THOC1: variants seen among roughly 807,000 people sequenced by gnomAD.
THOC1 encodes THO complex subunit 1, also known as THO complex 1.
Under a neutral mutation model 97.3 loss-of-function variants are expected in THOC1, and 29 were observed. The observed-to-expected ratio is 0.30, with a 90% CI of 0.22 to 0.41. The LOEUF (loss-of-function observed/expected upper bound fraction) is 0.41, where lower values mean the gene tolerates loss of function less well. Among genes scored for constraint, THOC1 ranks in the 10% least tolerant of loss-of-function variants. THOC1 has a pLI of 1.00. For missense variants in THOC1, 529 were observed against 761.9 expected (o/e 0.69, Z 3.60); for synonymous variants, 255 against 257.0 (o/e 0.99, Z 0.07).
chr18:220,894 T>A (rs1323908392), intron 17 of THOC1, among the ~76,000 whole-genome samples: 1 of 152,184 alleles, frequency 6.6e-6, no homozygotes, highest in Admixed American at 6.5e-5. Flanking sequence ...CTTCTATGAG[T>A]TTACTTTTCT....
intron 12 of THOC1, chr18:226,033 G>A (rs1314300947): frequency 6.6e-6 from 1 of 152,172 alleles, no homozygotes; most frequent in East Asian, 1.9e-4. Context: ...TCAAACCCAC[G>A]TCTCACTTCA....
intron 19 of THOC1, 162 bp downstream of exon 19, chr18:216,324 G>C: frequency 1.3e-6 from 1 of 757,264 alleles, no homozygotes; most frequent in Non-Finnish European, 2.2e-6. Context: ...TGTATTTCCT[G>C]TAAATGTATA....
At chr18:223,381 C>A in intron 17 of THOC1, 59 bp downstream of exon 17, 1 of 1,339,336 alleles carries the variant, frequency 7.5e-7, no homozygotes, top group Non-Finnish European at 1.0e-6. Context: ...TGAGAAAAGG[C>A]TCCATTCTAC....
chr18:236,244 T>C (rs28407306), intron 11 of THOC1, among the ~76,000 whole-genome samples: 1 of 152,180 alleles, frequency 6.6e-6, no homozygotes, highest in African/African-American at 2.4e-5. Flanking sequence ...TGTGTTCTTT[T>C]ATTTTCCATG....
At chr18:229,405 G>A (rs955327122) in intron 11 of THOC1, among the ~76,000 whole-genome samples, 1 of 152,174 alleles carries the variant, frequency 6.6e-6, no homozygotes, top group African/African-American at 2.4e-5. Context: ...TTGTCGGCTG[G>A]GTGTGGTGGT....
intron 10 of THOC1, among the ~76,000 whole-genome samples, chr18:246,916 CAAAAAAAAAA>C (rs36101469): frequency 2.0e-5 from 2 of 98,230 alleles, no homozygotes; most frequent in Non-Finnish European, 2.1e-5. Flanking sequence ...GGCTCCGTCT[CAAAAAAAAAA>C]AAAAAAAAAA....
intron 7 of THOC1, among the ~76,000 whole-genome samples, chr18:258,009 G>C (rs1275359542): frequency 2.0e-5 from 3 of 152,004 alleles, no homozygotes; most frequent in Admixed American, 6.6e-5. Flanking sequence ...ATACATTCAA[G>C]ATGTCCACAA....
intron 7 of THOC1, among the ~76,000 whole-genome samples, chr18:255,225 A>G (rs994460888): frequency 2.0e-5 from 3 of 152,302 alleles, no homozygotes; most frequent in Non-Finnish European, 2.9e-5. Context: ...CACATTTCTC[A>G]CTTTAAATAA....
intron 1 of THOC1, among the ~76,000 whole-genome samples, chr18:266,681 C>G (rs997393586): frequency 2.0e-5 from 3 of 151,950 alleles, no homozygotes; most frequent in Non-Finnish European, 4.4e-5. Context: ...GGGATTACAG[C>G]GCCCACCACC....
chr18:220,113 C>A (rs554795161), intron 17 of THOC1, among the ~76,000 whole-genome samples: 1 of 152,120 alleles, frequency 6.6e-6, no homozygotes, highest in Non-Finnish European at 1.5e-5. Context: ...TATGAACATG[C>A]CCCAAGTTAT....
chr18:265,613 T>C (rs1044625572), intron 1 of THOC1, 83 bp from the exon 2 acceptor site: 1 of 1,100,668 alleles, frequency 9.1e-7, no homozygotes, highest in Non-Finnish European at 1.3e-6. Flanking sequence ...TGATAGTGTA[T>C]CTTACTAACT....
chr18:216,609 A>G lies in THOC1; in HGVS notation c.1479T>C (p.Gly493=), dbSNP rs1183437136. 5.0e-6 allele frequency: 8 copies of G among 1,613,852 alleles called. No individual in the cohort carries two copies. Among genetic ancestry groups the G allele is most frequent in the African/African-American group, 1.3e-5 (1 of 75,058 alleles). The change falls in exon 19 of 21, where the codon GGT becomes GGC. Residue 493 remains glycine, a synonymous_variant. Coordinates refer to ENST00000261600, the MANE Select transcript of THOC1 (RefSeq NM_005131.3). ...EYKAVNNSNY[G]WRALRLLARR... ...GTGCTAATAGTCTCAGGGCTCTCCA[A>G]CCATAATTTGAATTGTTCACAGCCC...
rs1490036006 is a variant in THOC1 at position 235,085 on chromosome 18, A to T, written c.919-8184T>A. Among the ~76,000 whole-genome samples the T allele has an allele frequency of 2.8e-3, 393 of 139,148 alleles. 8 individuals carry two copies. The East Asian group carries it at 0.048, about 17-fold the overall frequency. 91.3% of individuals were successfully genotyped at this position (139,148 alleles called of 152,430 possible). ...TGGTTGTTCATTTATTTGGTTTTCT[A>T]TTTTTTTTTTTTTTTGAGAGTCTAT... On this transcript the variant is annotated intron_variant, in intron 11 of 20. Transcript: ENST00000261600.
In THOC1 at chr18:226,781, T is replaced by C. The variant is rs760445434; in HGVS notation, c.1019+20A>G. Reference sequence around the variant, plus strand: ...TCTTGGCTACTGTTTACAAATTGTTTACTACCCATATTATCTTACCTTTTG... The same window carrying C: ...TCTTGGCTACTGTTTACAAATTGTTCACTACCCATATTATCTTACCTTTTG... On this transcript the variant is annotated intron_variant, in intron 12 of 20. Transcript: ENST00000261600. 1.3e-6 allele frequency: 2 copies of C among 1,564,938 alleles called. No individual in the cohort carries two copies. Among genetic ancestry groups the C allele is most frequent in the Non-Finnish European group, 1.7e-6 (2 of 1,145,192 alleles).
At chr18:251,097 C>T (rs1431057407) in intron 9 of THOC1, among the ~76,000 whole-genome samples, 1 of 152,160 alleles carries the variant, frequency 6.6e-6, no homozygotes, top group Non-Finnish European at 1.5e-5. Context: ...ACAATTAGTG[C>T]CTTAATAGAC....
intron 11 of THOC1, chr18:245,651 GTC>G (rs765602252): frequency 3.3e-5 from 5 of 152,534 alleles, no homozygotes; most frequent in Non-Finnish European, 7.3e-5. Context: ...TGCACATTTA[GTC>G]TCTGTTACTT....
intron 18 of THOC1, among the ~76,000 whole-genome samples, chr18:217,416 T>G (rs754416316): frequency 1.3e-5 from 2 of 152,240 alleles, no homozygotes; most frequent in Non-Finnish European, 2.9e-5. Flanking sequence ...TACACATCAT[T>G]TTTCTTATTC....
chr18:254,762 C>A lies in THOC1; in HGVS notation c.521-407G>T, dbSNP rs191860306. 4.1e-3 allele frequency among the ~76,000 whole-genome samples: 624 copies of A among 151,868 alleles called. 2 individuals are homozygous for A. The highest frequency in any genetic ancestry group is 6.8e-3 in the Non-Finnish European group (461 of 67,954). On this transcript the variant is annotated intron_variant, in intron 7 of 20. Transcript: ENST00000261600. This position sits in a 1 kb window ranked among gnomAD's most constrained non-coding sequence, Gnocchi z 4.1. ...GAGGTTAACATTGTCATTGTTTTGCCACAGATTTGTTTTTGCCACAAACTG... is the reference window on the plus strand; with the variant it reads ...GAGGTTAACATTGTCATTGTTTTGCAACAGATTTGTTTTTGCCACAAACTG...
In THOC1 at chr18:242,025, C is replaced by T. The variant is rs1253642664; in HGVS notation, c.918+4299G>A. 3.3e-5 allele frequency among the ~76,000 whole-genome samples: 5 copies of T among 152,190 alleles called. No homozygotes were observed. Among genetic ancestry groups the T allele is most frequent in the African/African-American group, 4.8e-5 (2 of 41,448 alleles). ...ACTGTTGGGCACTAGTATTCAGAAT[C>T]ACACTCCAGGTAGTACAAAAATGTG... On this transcript the variant is annotated intron_variant, in intron 11 of 20. Transcript: ENST00000261600. The surrounding 1 kb of genome is among the most constrained non-coding windows in gnomAD (Gnocchi z 4.5).
Sources: allele counts gnomAD v4.1 joint callset (sites outside exome capture counted in the v4.1 genomes callset), GRCh38; gene constraint gnomAD v4.1.1; non-coding constraint Gnocchi (gnomAD v3.1); transcripts MANE v1.5; gene names NCBI Gene and HGNC (gene_info 2026-07-23, HGNC 2026-07-21).